MAML2: variants seen among roughly 807,000 people sequenced by gnomAD.
MAML2 encodes the protein mastermind like transcriptional coactivator 2.
A neutral mutation model predicts 96.1 loss-of-function variants in MAML2; 22 were observed. The ratio of observed to expected loss-of-function variants is 0.23; its 90% CI spans 0.16 to 0.33. MAML2 has a LOEUF of 0.33. Among genes scored for constraint, MAML2 ranks in the 10% least tolerant of loss-of-function variants. MAML2 has a pLI of 1.00. For missense variants in MAML2, 1,367 were observed against 1,392.4 expected (o/e 0.98, Z 0.29); for synonymous variants, 561 against 521.3 (o/e 1.08, Z -1.04).
intron 1 of MAML2, among the ~76,000 whole-genome samples, chr11:96,192,712 T>C (rs1457086113): frequency 1.3e-5 from 2 of 152,224 alleles, no homozygotes; most frequent in African/African-American, 4.8e-5. Flanking sequence ...TCAAATTATC[T>C]GGAGGCAGAA....
intron 1 of MAML2, among the ~76,000 whole-genome samples, chr11:96,245,394 A>T (rs1862496900): frequency 6.6e-6 from 1 of 152,174 alleles, no homozygotes; most frequent in South Asian, 2.1e-4. Context: ...TTTCCCAAGT[A>T]AGAGCTCACA....
intron 1 of MAML2, among the ~76,000 whole-genome samples, chr11:96,314,489 A>G (rs1400476315): frequency 6.6e-6 from 1 of 152,206 alleles, no homozygotes; most frequent in African/African-American, 2.4e-5. Context: ...ACCCACTCCC[A>G]GACAATAACA....
intron 1 of MAML2, among the ~76,000 whole-genome samples, chr11:96,102,531 T>C (rs1009453477): frequency 1.3e-4 from 20 of 152,288 alleles, no homozygotes; most frequent in African/African-American, 4.8e-4. Context: ...CAAATGAATA[T>C]CATGTTTCAT....
At chr11:96,026,289 A>G (rs1012386847) in intron 2 of MAML2, among the ~76,000 whole-genome samples, 1 of 152,258 alleles carries the variant, frequency 6.6e-6, no homozygotes, top group African/African-American at 2.4e-5. Flanking sequence ...GAATGAAAAT[A>G]TAAGTGGGCT....
chr11:96,206,883 T>C (rs1213631470), intron 1 of MAML2, among the ~76,000 whole-genome samples: 1 of 152,206 alleles, frequency 6.6e-6, no homozygotes, highest in Non-Finnish European at 1.5e-5. Context: ...CAAATGGTTT[T>C]AGAAGAATCT....
chr11:95,984,289 T>C (rs1857790636), intron 4 of MAML2, among the ~76,000 whole-genome samples: 1 of 152,164 alleles, frequency 6.6e-6, no homozygotes, highest in African/African-American at 2.4e-5. Context: ...ACAATGAAAT[T>C]ACCTAACAAC....
At chr11:96,165,866 TG>T (rs1320629337) in intron 1 of MAML2, among the ~76,000 whole-genome samples, 13 of 152,228 alleles carry the variant, frequency 8.5e-5, no homozygotes. Flanking sequence ...TGACATCAAT[TG>T]AGGTTGAACA....
At chr11:96,125,433 C>T (rs185496282) in intron 1 of MAML2, among the ~76,000 whole-genome samples, 18 of 152,118 alleles carry the variant, frequency 1.2e-4, no homozygotes, top group African/African-American at 4.1e-4. Context: ...GGGTGGCTAC[C>T]GCTGGAAGGC....
At chr11:96,278,818 A>G (rs1863023973) in intron 1 of MAML2, among the ~76,000 whole-genome samples, 1 of 152,182 alleles carries the variant, frequency 6.6e-6, no homozygotes, top group Admixed American at 6.5e-5. Flanking sequence ...AGCATTTTAC[A>G]AAGATCACAC....
At chr11:96,048,543 C>T (rs1036682014) in intron 2 of MAML2, among the ~76,000 whole-genome samples, 8 of 152,020 alleles carry the variant, frequency 5.3e-5, no homozygotes, top group Admixed American at 3.3e-4. Flanking sequence ...ATTTATGTGG[C>T]TATTTTCTAA....
intron 4 of MAML2, among the ~76,000 whole-genome samples, chr11:95,982,160 G>T (rs911635910): frequency 6.6e-6 from 1 of 152,250 alleles, no homozygotes; most frequent in East Asian, 1.9e-4. Context: ...CATGGGAAAC[G>T]CAATGCTCTA....
chr11:96,095,629 A>T (rs980606794), intron 1 of MAML2, among the ~76,000 whole-genome samples: 1 of 152,234 alleles, frequency 6.6e-6, no homozygotes, highest in Non-Finnish European at 1.5e-5. Context: ...AAAATGAAGC[A>T]GAGGAGAGAC....
intron 1 of MAML2, among the ~76,000 whole-genome samples, chr11:96,315,560 T>G (rs1863619134): frequency 6.6e-6 from 1 of 152,232 alleles, no homozygotes; most frequent in African/African-American, 2.4e-5. Context: ...CCTGTTTTTT[T>G]CATAGAGCTT....
chr11:95,994,112 C>A (rs1306694392), intron 2 of MAML2, among the ~76,000 whole-genome samples: 14 of 152,176 alleles, frequency 9.2e-5, no homozygotes, highest in Non-Finnish European at 2.9e-5. Flanking sequence ...GTACTTTAAA[C>A]CTGGGCCAAC....
At chr11:96,224,325 C>T (rs1364209522) in intron 1 of MAML2, among the ~76,000 whole-genome samples, 2 of 152,172 alleles carry the variant, frequency 1.3e-5, no homozygotes, top group African/African-American at 2.4e-5. Flanking sequence ...TCTCCACTGC[C>T]CAAGGTGTGC....
chr11:95,995,704 C>G lies in MAML2; in HGVS notation c.2140-3981G>C, dbSNP rs375997970. Among the ~76,000 whole-genome samples the G allele has an allele frequency of 3.9e-5, 6 of 152,186 alleles. No homozygotes were observed. The East Asian group carries it at 5.8e-4, about 15-fold the overall frequency. ...CAGATGTGGTGTGTTTGGCCCCCAT[C>G]ATGTTTGAAACACAAATTGCTCTTT... On this transcript the variant is annotated intron_variant, in intron 2 of 4. Coordinates refer to ENST00000524717, the MANE Select transcript of MAML2 (RefSeq NM_032427.4).
intron 2 of MAML2, among the ~76,000 whole-genome samples, chr11:96,032,586 CA>C (rs59167571): frequency 0.057 from 5,219 of 91,366 alleles, 139 homozygotes; most frequent in African/African-American, 0.17. Flanking sequence ...GAGTCTGTCT[CA>C]AAAAAAAAAA....
Position 96,216,530 on chromosome 11 carries a change from A to G in MAML2, c.514-123013T>C, listed in dbSNP as rs570675625. On this transcript the variant is annotated intron_variant, in intron 1 of 4. Coordinates refer to ENST00000524717, the MANE Select transcript of MAML2 (RefSeq NM_032427.4). ...CATGTAGACATTTTGGAAGTTTTAC[A>G]TGGGTATGTCTGGTCCTGGTATTCT... Among the ~76,000 whole-genome samples the G allele has an allele frequency of 7.2e-5, 11 of 152,224 alleles. No homozygotes were observed. The East Asian group carries it at 2.1e-3, about 29-fold the overall frequency.
At chr11:95,991,379 TG>T in intron 3 of MAML2, 140 bp downstream of exon 3, 3 of 770,990 alleles carry the variant, frequency 3.9e-6, no homozygotes, top group Non-Finnish European at 6.5e-6. Context: ...GTACACTAAA[TG>T]TATGGAATTA....
Sources: allele counts gnomAD v4.1 joint callset (sites outside exome capture counted in the v4.1 genomes callset), GRCh38; gene constraint gnomAD v4.1.1; transcripts MANE v1.5; gene names NCBI Gene and HGNC (gene_info 2026-07-23, HGNC 2026-07-21).